The following TRIP12 variants were observed in gnomAD, a reference collection of about 807,000 sequenced individuals.
TRIP12 encodes the protein E3 ubiquitin-protein ligase TRIP12.
In TRIP12, 25 loss-of-function variants were observed where a neutral mutation model predicts 244.2. That is an observed-to-expected ratio of 0.10 (90% CI 0.07 to 0.14). The LOEUF is 0.14. Among genes scored for constraint, TRIP12 ranks in the 10% least tolerant of loss-of-function variants. The pLI is 1.00. For missense variants in TRIP12, 1,677 were observed against 2,486.4 expected, an observed-to-expected ratio of 0.67 and a Z score of 6.92; for synonymous variants, 905 against 873.1, an observed-to-expected ratio of 1.04 and a Z score of -0.64.
intron 40 of TRIP12, 55 bp downstream of exon 40, chr2:229,769,176 C>T: frequency 6.6e-7 from 1 of 1,508,052 alleles, no homozygotes; most frequent in East Asian, 2.3e-5. Flanking sequence ...TACACACACA[C>T]CCCTCTCCAC....
At chr2:229,803,096 T>C (rs1210285662) in intron 20 of TRIP12, among the ~76,000 whole-genome samples, 2 of 152,244 alleles carry the variant, frequency 1.3e-5, no homozygotes, top group Non-Finnish European at 2.9e-5. Flanking sequence ...TATGCAAATA[T>C]GTGGATATAT....
At chr2:229,790,543 G>T (rs961418824) in intron 30 of TRIP12, among the ~76,000 whole-genome samples, 10 of 151,994 alleles carry the variant, frequency 6.6e-5, no homozygotes, top group South Asian at 2.1e-4. Flanking sequence ...CAGGGGGAGG[G>T]GGGGGTGTCC....
intron 1 of TRIP12, among the ~76,000 whole-genome samples, chr2:229,895,343 T>C (rs1204633424): frequency 6.6e-6 from 1 of 150,616 alleles, no homozygotes; most frequent in African/African-American, 2.4e-5. Flanking sequence ...ATGCAGAGAA[T>C]AAAGTGAGAA....
At chr2:229,860,027 A>G (rs374517413) in intron 3 of TRIP12, among the ~76,000 whole-genome samples, 30 of 152,302 alleles carry the variant, frequency 2.0e-4, no homozygotes, top group African/African-American at 7.0e-4. Context: ...CAAAGTTAAC[A>G]TTGCTTTCCA....
At chr2:229,839,152 C>G (rs961503882) in intron 5 of TRIP12, among the ~76,000 whole-genome samples, 5 of 152,114 alleles carry the variant, frequency 3.3e-5, no homozygotes, top group Non-Finnish European at 7.4e-5. Flanking sequence ...TGTACCTTTT[C>G]TATGTTTAGA....
rs1388423128 is a variant in TRIP12, at chr2:229,767,888, A to G, written c.6008-138T>C. ...CTTGGCAATTGCACATTCAATATACATTAAGTGCAAGGAACCTGCTTTAAT... is the reference window on the plus strand; with the variant it reads ...CTTGGCAATTGCACATTCAATATACGTTAAGTGCAAGGAACCTGCTTTAAT... On this transcript the variant is annotated intron_variant, in intron 41 of 41. Transcript: ENST00000675903. 5 of 825,444 alleles carry G rather than the reference A, an allele frequency of 6.1e-6. No homozygotes were observed. In the South Asian group the frequency reaches 1.0e-4, roughly 16 times the overall value. 51.1% of individuals were successfully genotyped at this position (825,444 alleles called of 1,614,324 possible). A position where few individuals can be genotyped will look rare whatever the true frequency, so the allele number is the denominator to read the frequency against.
At chr2:229,775,534 A>G (rs781548585) in intron 37 of TRIP12, among the ~76,000 whole-genome samples, 1 of 151,818 alleles carries the variant, frequency 6.6e-6, no homozygotes, top group Non-Finnish European at 1.5e-5. Flanking sequence ...CCAAGGAAAT[A>G]TCTTATTTCT....
At chr2:229,868,770 T>C (rs1437920274) in intron 2 of TRIP12, among the ~76,000 whole-genome samples, 1 of 152,188 alleles carries the variant, frequency 6.6e-6, no homozygotes, top group African/African-American at 2.4e-5. Flanking sequence ...TTTCACTAAG[T>C]AGGCTTTAGG....
intron 33 of TRIP12, 49 bp from the exon 34 acceptor site, chr2:229,785,904 A>G (rs373667718): frequency 6.8e-7 from 1 of 1,477,978 alleles, no homozygotes; most frequent in African/African-American, 1.4e-5. Context: ...CCCATATTAC[A>G]CTTTAATAAA....
intron 40 of TRIP12, 51 bp downstream of exon 40, chr2:229,769,178 CCT>C: frequency 1.3e-6 from 2 of 1,519,662 alleles, no homozygotes; most frequent in Non-Finnish European, 1.8e-6. Flanking sequence ...CACACACACC[CCT>C]CTCCACATTC....
At chr2:229,855,244 G>A (rs951689827) in intron 4 of TRIP12, among the ~76,000 whole-genome samples, 9 of 152,100 alleles carry the variant, frequency 5.9e-5, no homozygotes, top group African/African-American at 1.7e-4. Flanking sequence ...TCCAGCCTGC[G>A]CAACACAGGA....
chr2:229,863,086 G>A (rs997226604), intron 2 of TRIP12, among the ~76,000 whole-genome samples: 3 of 151,924 alleles, frequency 2.0e-5, no homozygotes, highest in Admixed American at 6.6e-5. Context: ...AAAATGAGCC[G>A]GGCATGGTGG....
At chr2:229,912,482 C>T (rs1227587418) in intron 1 of TRIP12, among the ~76,000 whole-genome samples, 1 of 152,122 alleles carries the variant, frequency 6.6e-6, no homozygotes, top group Admixed American at 6.6e-5. Flanking sequence ...TATATATGGA[C>T]CCTCTACTCC....
At position 229,793,059 on chromosome 2, in the gene TRIP12, G is replaced by A; in HGVS notation, c.4055C>T (p.Ala1352Val). 1 of 1,613,930 alleles carries A rather than the reference G, an allele frequency of 6.2e-7. No individual in the cohort carries two copies. Among genetic ancestry groups the A allele is most frequent in the African/African-American group, 1.3e-5 (1 of 74,992 alleles). The change falls in exon 27 of 42, where the codon GCA (alanine) becomes GTA (valine). Residue 1352 changes from alanine (A) to valine (V), a missense_variant. Physicochemically the swap from Ala to Val is moderately conservative, Grantham distance 64 (BLOSUM62 0). Coordinates refer to ENST00000675903, the MANE Select transcript of TRIP12 (RefSeq NM_001348323.3). ...TCCACCCTTCCACTGCTTCACATTT[G>A]CACAGTCTGGATGCCTTTGTAACTG... ...KCQLQRHPDC[A>V]NVKQWKGGPV... is the part of the protein sequence containing the mutation.
intron 4 of TRIP12, 24 bp from the exon 5 acceptor site, chr2:229,840,951 G>T (rs2056278439): frequency 2.7e-6 from 4 of 1,506,118 alleles, no homozygotes; most frequent in Non-Finnish European, 2.7e-6. Flanking sequence ...ATGGAAAAGT[G>T]TAATTTTATA....
intron 2 of TRIP12, among the ~76,000 whole-genome samples, chr2:229,867,176 T>G (rs867855284): frequency 0.015 from 2,314 of 149,394 alleles, 61 homozygotes; most frequent in African/African-American, 0.05. Flanking sequence ...TGTTTGTTTT[T>G]TTTTTTTGAG....
chr2:229,817,500 C>A (rs977385925), intron 9 of TRIP12, among the ~76,000 whole-genome samples: 1 of 152,128 alleles, frequency 6.6e-6, no homozygotes, highest in Non-Finnish European at 1.5e-5. Context: ...TTTAAGGAAT[C>A]AAGCTGTTAA....
chr2:229,816,749 G>A (rs1429423065), intron 9 of TRIP12, among the ~76,000 whole-genome samples: 4 of 152,126 alleles, frequency 2.6e-5, no homozygotes, highest in African/African-American at 9.7e-5. Context: ...AATTTTAACT[G>A]TAGATAGTAT....
At chr2:229,866,003 C>T (rs1438547798) in intron 2 of TRIP12, among the ~76,000 whole-genome samples, 1 of 152,110 alleles carries the variant, frequency 6.6e-6, no homozygotes, top group East Asian at 1.9e-4. Context: ...CACTGGGAAG[C>T]GGCAGTGCTA....
Sources: gnomAD v4.1 joint callset for allele counts (sites outside exome capture counted in the v4.1 genomes callset) on GRCh38, gnomAD v4.1.1 for gene constraint, MANE v1.5 for transcripts, NCBI Gene and HGNC (gene_info 2026-07-23, HGNC 2026-07-21) for gene names.